Variants in SHROOM3 observed in about 807,000 individuals in gnomAD.
SHROOM3 encodes the protein protein Shroom3.
A neutral mutation model predicts 138.6 loss-of-function variants in SHROOM3; 47 were observed. The ratio of observed to expected loss-of-function variants is 0.34; its 90% CI spans 0.27 to 0.43. The LOEUF (loss-of-function observed/expected upper bound fraction) is 0.43, where lower values mean the gene tolerates loss of function less well. Ranked by LOEUF, SHROOM3 falls within the 20% of genes least tolerant of loss-of-function variation. SHROOM3 has a pLI of 1.00. For missense variants in SHROOM3, 2,491 were observed against 2,596.5 expected, an observed-to-expected ratio of 0.96 and a Z score of 0.88; for synonymous variants, 1,062 against 1,063.3, an observed-to-expected ratio of 1.00 and a Z score of 0.02.
intron 2 of SHROOM3, among the ~76,000 whole-genome samples, chr4:76,576,666 C>A (rs190136048): frequency 1.3e-5 from 2 of 152,128 alleles, no homozygotes; most frequent in East Asian, 3.9e-4. Flanking sequence ...TAGTTTGTAA[C>A]ACAAAAGATA....
At chr4:76,688,920 C>A (rs1198107160) in intron 2 of SHROOM3, 2 of 981,680 alleles carry the variant, frequency 2.0e-6, no homozygotes, top group African/African-American at 3.5e-5. Flanking sequence ...GAGAAGAGGG[C>A]ATGCTGAGAA....
In SHROOM3 at chr4:76,755,199, G is replaced by A; in HGVS notation, c.4709+7G>A. The A allele has an allele frequency of 1.2e-6, 2 of 1,612,984 alleles. No homozygotes were observed. Among genetic ancestry groups the A allele is most frequent in the Non-Finnish European group, 1.7e-6 (2 of 1,179,506 alleles). On this transcript the variant is annotated splice_region_variant and intron_variant, in intron 7 of 10. Transcript: ENST00000296043. ...CCGAGGGGCCACGCCCCAGGTGAGT[G>A]AGCAGACTGGGCAGCTTTCCCCCAC...
chr4:76,633,623 C>T (rs1735399947), intron 2 of SHROOM3, among the ~76,000 whole-genome samples: 1 of 141,486 alleles, frequency 7.1e-6, no homozygotes, highest in Non-Finnish European at 1.5e-5. Context: ...CGCCACCGCA[C>T]TCCAGCCTGG....
intron 2 of SHROOM3, among the ~76,000 whole-genome samples, chr4:76,681,592 A>AGGGG (rs1392313596): frequency 7.7e-4 from 25 of 32,336 alleles, no homozygotes; most frequent in East Asian, 1.9e-3. Context: ...GGCAGAGTCT[A>AGGGG]GGGTGTGTGT....
chr4:76,463,835 G>C (rs1336928174), intron 1 of SHROOM3, among the ~76,000 whole-genome samples: 1 of 152,228 alleles, frequency 6.6e-6, no homozygotes, highest in Admixed American at 6.5e-5. Flanking sequence ...TGTTTGGCCT[G>C]TGGGTGCACA....
At chr4:76,611,937 T>G (rs1029936933) in intron 2 of SHROOM3, among the ~76,000 whole-genome samples, 11 of 152,216 alleles carry the variant, frequency 7.2e-5, no homozygotes, top group Admixed American at 6.5e-4. Flanking sequence ...AGTTCCATGT[T>G]GAATAACACA....
chr4:76,755,679 TA>T (rs1721783689), intron 7 of SHROOM3, among the ~76,000 whole-genome samples: 1 of 152,086 alleles, frequency 6.6e-6, no homozygotes. Context: ...ACATAGATAT[TA>T]ATATATACAG....
chr4:76,706,974 GGAT>G (rs1285759363), intron 2 of SHROOM3, among the ~76,000 whole-genome samples: 2 of 152,142 alleles, frequency 1.3e-5, no homozygotes, highest in Non-Finnish European at 2.9e-5. Context: ...AGCCCGGAGA[GGAT>G]CCTTTAGGGA....
At chr4:76,703,599 AGAGAAAAAGTGCT>A (rs1400753371) in intron 2 of SHROOM3, among the ~76,000 whole-genome samples, 2 of 152,214 alleles carry the variant, frequency 1.3e-5, no homozygotes, top group African/African-American at 4.8e-5. Context: ...TGGAGACTCA[AGAGAAAAAGTGCT>A]GAGAAACCTA....
intron 1 of SHROOM3, among the ~76,000 whole-genome samples, chr4:76,537,201 C>G (rs1376468310): frequency 6.6e-6 from 1 of 152,104 alleles, no homozygotes; most frequent in Non-Finnish European, 1.5e-5. Flanking sequence ...AAAGAAAGAG[C>G]TCATCAAGTG....
intron 1 of SHROOM3, among the ~76,000 whole-genome samples, chr4:76,502,151 G>A (rs1732110669): frequency 6.6e-6 from 1 of 152,134 alleles, no homozygotes; most frequent in East Asian, 1.9e-4. Flanking sequence ...TGCCGTCTCG[G>A]GACTCTCCAG....
intron 3 of SHROOM3, among the ~76,000 whole-genome samples, chr4:76,716,815 A>G (rs1720390491): frequency 6.6e-6 from 1 of 152,224 alleles, no homozygotes; most frequent in Non-Finnish European, 1.5e-5. Context: ...GGGAATGGTT[A>G]TATACCTATG....
At chr4:76,471,720 A>T (rs1731377716) in intron 1 of SHROOM3, among the ~76,000 whole-genome samples, 1 of 152,210 alleles carries the variant, frequency 6.6e-6, no homozygotes, top group Non-Finnish European at 1.5e-5. Context: ...AATAAAAAAA[A>T]TGGGTTACCT....
chr4:76,711,013 C>T (rs2110117857), intron 3 of SHROOM3, among the ~76,000 whole-genome samples: 1 of 152,268 alleles, frequency 6.6e-6, no homozygotes, highest in South Asian at 2.1e-4. Context: ...ATTCAAAGCA[C>T]TCAGCACACA....
intron 1 of SHROOM3, among the ~76,000 whole-genome samples, chr4:76,455,837 T>C (rs1731016464): frequency 1.3e-5 from 2 of 152,082 alleles, no homozygotes; most frequent in Admixed American, 6.6e-5. Context: ...AAGTATTAAC[T>C]CTTGAAAACG....
At chr4:76,441,146 G>A (rs1415331244) in intron 1 of SHROOM3, among the ~76,000 whole-genome samples, 1 of 138,450 alleles carries the variant, frequency 7.2e-6, no homozygotes, top group Non-Finnish European at 1.5e-5. Flanking sequence ...CTGGAGTGCA[G>A]TGCAGTGGCG....
At chr4:76,731,706 G>A (rs1374302570) in intron 4 of SHROOM3, among the ~76,000 whole-genome samples, 4 of 151,796 alleles carry the variant, frequency 2.6e-5, no homozygotes, top group African/African-American at 7.3e-5. Context: ...GCTTGAACCC[G>A]GGAGGTGGAG....
chr4:76,513,169 G>A (rs1283056022), intron 1 of SHROOM3, among the ~76,000 whole-genome samples: 3 of 152,034 alleles, frequency 2.0e-5, no homozygotes, highest in East Asian at 1.9e-4. Flanking sequence ...TTCTACTGTC[G>A]GGTCTTTCAT....
intron 2 of SHROOM3, among the ~76,000 whole-genome samples, chr4:76,607,311 C>G (rs770024624): frequency 1.1e-4 from 16 of 152,172 alleles, no homozygotes; most frequent in Non-Finnish European, 1.8e-4. Flanking sequence ...GAGACCTATT[C>G]ACTCCCACAC....
Sources: allele counts gnomAD v4.1 joint callset (sites outside exome capture counted in the v4.1 genomes callset), GRCh38; gene constraint gnomAD v4.1.1; transcripts MANE v1.5; gene names NCBI Gene and HGNC (gene_info 2026-07-23, HGNC 2026-07-21).